USH2A: variants seen among roughly 807,000 people sequenced by gnomAD.
The protein encoded by USH2A is usherin, also known as Usher syndrome 2A (autosomal recessive, mild).
A neutral mutation model predicts 538.9 loss-of-function variants in USH2A; 443 were observed. The observed-to-expected ratio is 0.82, with a 90% CI of 0.76 to 0.89. The LOEUF (loss-of-function observed/expected upper bound fraction) is 0.89. Ranked by LOEUF, USH2A falls within the 40% of genes least tolerant of loss-of-function variation. USH2A has a pLI of 0.00. For synonymous variants in USH2A, 2,413 were observed against 2,273.5 expected (o/e 1.06, Z -1.75); for missense variants, 6,633 against 6,324.8 (o/e 1.05, Z -1.65).
chr1:216,311,702 G>A (rs1369602091), intron 9 of USH2A, among the ~76,000 whole-genome samples: 1 of 152,114 alleles, frequency 6.6e-6, no homozygotes, highest in Admixed American at 6.5e-5. Flanking sequence ...GAGGACGGGA[G>A]AACCGCAGGT....
intron 32 of USH2A, 52 bp from the exon 33 acceptor site, chr1:216,000,614 G>A (rs1668247253): frequency 6.2e-7 from 1 of 1,605,782 alleles, no homozygotes; most frequent in South Asian, 1.1e-5. Context: ...TTCTTATTGA[G>A]GAGATTTCAC....
At chr1:216,054,767 T>C (rs539075696) in intron 30 of USH2A, among the ~76,000 whole-genome samples, 1 of 152,072 alleles carries the variant, frequency 6.6e-6, no homozygotes, top group African/African-American at 2.4e-5. Flanking sequence ...TCTGTCATCT[T>C]CGAATCGCTT....
intron 2 of USH2A, among the ~76,000 whole-genome samples, chr1:216,418,975 C>T (rs2039628106): frequency 6.6e-6 from 1 of 152,114 alleles, no homozygotes; most frequent in African/African-American, 2.4e-5. Flanking sequence ...GCAAAACTAA[C>T]ATTTAGGTTA....
intron 11 of USH2A, among the ~76,000 whole-genome samples, chr1:216,270,130 A>T (rs1207949210): frequency 6.6e-6 from 1 of 152,090 alleles, no homozygotes; most frequent in Non-Finnish European, 1.5e-5. Flanking sequence ...AACACTTTTA[A>T]AACAGCAGCA....
chr1:216,077,200 C>A (rs903983514), intron 27 of USH2A, among the ~76,000 whole-genome samples: 19 of 152,240 alleles, frequency 1.2e-4, no homozygotes, highest in African/African-American at 4.6e-4. Flanking sequence ...AAATGATACA[C>A]AGATATTGTT....
intron 50 of USH2A, among the ~76,000 whole-genome samples, chr1:215,796,007 A>G (rs1662122198): frequency 7.3e-6 from 1 of 136,512 alleles, no homozygotes; most frequent in South Asian, 2.3e-4. Flanking sequence ...ATGAAAATAA[A>G]TGTTTTTCAA....
rs1417207063 is a variant in USH2A, at chr1:215,623,129, A to C, written c.*2652T>G. 1.3e-5 allele frequency: 2 copies of C among 152,142 alleles called. No homozygotes were observed. Among genetic ancestry groups the C allele is most frequent in the African/African-American group, 4.8e-5 (2 of 41,440 alleles). 9.4% of individuals were successfully genotyped at this position (152,142 alleles called of 1,614,324 possible). A position where few individuals can be genotyped will look rare whatever the true frequency, so the allele number is the denominator to read the frequency against. ...TTCCATTTAGTGGAAATTACAGTAG[A>C]TTATAAACACATTTCTTAGAGTGTA... On this transcript the variant is annotated 3_prime_UTR_variant, in exon 72 of 72. Transcript: ENST00000307340.
Position 215,838,068 on chromosome 1 carries a change from G to A in USH2A, c.9294C>T (p.Ser3098=), listed in dbSNP as rs1020852004. ...EVCTIYACVK[S]NGTQITTVED... Reference sequence around the variant, plus strand: ...CCACAGTGGTAATTTGGGTTCCATTGCTTTTCACGCAGGCATATATTGTGC... The same window carrying A: ...CCACAGTGGTAATTTGGGTTCCATTACTTTTCACGCAGGCATATATTGTGC... The change falls in exon 47 of 72, where the codon AGC becomes AGT. Residue 3098 remains serine (S), a synonymous_variant. Coordinates refer to ENST00000307340, the MANE Select transcript of USH2A (RefSeq NM_206933.4). 7.4e-6 allele frequency: 12 copies of A among 1,613,992 alleles called. No homozygotes were observed. Among genetic ancestry groups the A allele is most frequent in the Non-Finnish European group, 1.0e-5 (12 of 1,179,930 alleles).
At chr1:216,283,969 C>A (rs1327857920) in intron 11 of USH2A, among the ~76,000 whole-genome samples, 1 of 151,964 alleles carries the variant, frequency 6.6e-6, no homozygotes, top group Non-Finnish European at 1.5e-5. Flanking sequence ...TCAAGTTTTT[C>A]TTCAAAATGT....
At chr1:216,206,828 C>T (rs1488484398) in intron 16 of USH2A, among the ~76,000 whole-genome samples, 2 of 152,134 alleles carry the variant, frequency 1.3e-5, no homozygotes. Context: ...TAGGTATGGA[C>T]ATCTTGTGTG....
chr1:215,698,018 C>T (rs932386982), intron 61 of USH2A, among the ~76,000 whole-genome samples: 2 of 152,130 alleles, frequency 1.3e-5, no homozygotes, highest in African/African-American at 2.4e-5. Flanking sequence ...TGATGTTCCC[C>T]TCCCTGTGCC....
chr1:215,796,029 A>G (rs1662123823), intron 50 of USH2A, among the ~76,000 whole-genome samples: 1 of 137,448 alleles, frequency 7.3e-6, no homozygotes, highest in African/African-American at 2.7e-5. Context: ...TAAAAAATAG[A>G]AGAATGACAT....
intron 41 of USH2A, among the ~76,000 whole-genome samples, chr1:215,880,078 T>A (rs1664868546): frequency 6.6e-6 from 1 of 152,160 alleles, no homozygotes; most frequent in Non-Finnish European, 1.5e-5. Flanking sequence ...TAGAGTCATG[T>A]TTTGTTAGAT....
intron 21 of USH2A, chr1:216,174,045 A>G (rs991947824): frequency 2.0e-6 from 2 of 984,372 alleles, no homozygotes; most frequent in Non-Finnish European, 2.4e-6. Flanking sequence ...CTGAGAGAGT[A>G]GTTAATCATG....
intron 4 of USH2A, among the ~76,000 whole-genome samples, chr1:216,341,705 A>G (rs957505942): frequency 2.6e-4 from 39 of 152,138 alleles, no homozygotes; most frequent in African/African-American, 8.9e-4. Context: ...TTCTACAACC[A>G]TCTGATCTTT....
chr1:216,318,595 G>A (rs989225243), intron 9 of USH2A, among the ~76,000 whole-genome samples: 1 of 152,038 alleles, frequency 6.6e-6, no homozygotes, highest in Admixed American at 6.6e-5. Flanking sequence ...ATTTGCATTT[G>A]CCAAAGTTTG....
chr1:215,951,599 T>C (rs1222594715), intron 37 of USH2A, among the ~76,000 whole-genome samples: 2 of 152,148 alleles, frequency 1.3e-5, no homozygotes, highest in Non-Finnish European at 2.9e-5. Context: ...GTTCAATTCC[T>C]GGATATCCTT....
chr1:216,080,869 T>C (rs2031920569), intron 26 of USH2A, among the ~76,000 whole-genome samples: 1 of 151,650 alleles, frequency 6.6e-6, no homozygotes, highest in Admixed American at 6.6e-5. Flanking sequence ...GTCAAGTTGA[T>C]AGAGAGACTG....
rs775832724 is a variant in USH2A, at chr1:216,046,544, A to C, written c.6212T>G (p.Leu2071Trp). The C allele has an allele frequency of 1.2e-6, 2 of 1,613,896 alleles. No individual in the cohort carries two copies. Among genetic ancestry groups the C allele is most frequent in the Non-Finnish European group, 1.7e-6 (2 of 1,179,816 alleles). ...PPVAKSLPSSLLLSWNPPKKA... is the reference protein window; with the variant it reads ...PPVAKSLPSSWLLSWNPPKKA... ...TTTGGGTGGGTTCCAGGAGAGCAGC[A>C]AAGAACTGGGAAGGGATTTGGCTAC... is the stretch of plus-strand genomic sequence containing the variant. Residue 2071 changes from leucine to tryptophan, a missense_variant, in exon 32 of 72, where the codon TTG (leucine) becomes TGG (tryptophan). By Grantham distance (61) the Leu-to-Trp change is moderately conservative (BLOSUM62 -2). Coordinates refer to ENST00000307340, the MANE Select transcript of USH2A (RefSeq NM_206933.4).
Sources: gnomAD v4.1 joint callset for allele counts (sites outside exome capture counted in the v4.1 genomes callset) on GRCh38, gnomAD v4.1.1 for gene constraint, MANE v1.5 for transcripts, NCBI Gene and HGNC (gene_info 2026-07-23, HGNC 2026-07-21) for gene names.